Variants in GABRG3 observed in about 807,000 individuals in gnomAD.
GABRG3 encodes the protein gamma-aminobutyric acid receptor subunit gamma-3.
GABRG3 carries 25 observed loss-of-function variants against 48.8 expected under a neutral mutation model. The observed-to-expected ratio is 0.51, with a 90% confidence interval of 0.37 to 0.72. The LOEUF (loss-of-function observed/expected upper bound fraction) is 0.72. Ranked by LOEUF, GABRG3 falls within the 30% of genes least tolerant of loss-of-function variation. The pLI, the probability that GABRG3 is intolerant of heterozygous loss-of-function variation, is 0.00. For missense variants in GABRG3, 394 were observed against 577.9 expected (o/e 0.68, Z 3.26); for synonymous variants, 227 against 217.6 (o/e 1.04, Z -0.38).
At chr15:27,334,385 A>C (rs979866380) in intron 5 of GABRG3, among the ~76,000 whole-genome samples, 2 of 152,324 alleles carry the variant, frequency 1.3e-5, no homozygotes. Context: ...AGTTTGAGAT[A>C]TAGAAAATTA....
At chr15:27,159,047 C>A (rs894414362) in intron 3 of GABRG3, among the ~76,000 whole-genome samples, 1 of 152,280 alleles carries the variant, frequency 6.6e-6, no homozygotes. Flanking sequence ...GCTTATGGCA[C>A]CTACAAAGGA....
At chr15:27,263,251 C>G (rs1012389809) in intron 3 of GABRG3, among the ~76,000 whole-genome samples, 1 of 152,172 alleles carries the variant, frequency 6.6e-6, no homozygotes, top group Non-Finnish European at 1.5e-5. Context: ...GCGTTACAGC[C>G]AGAATCTTGT....
At chr15:27,303,693 G>A (rs1566765365) in intron 3 of GABRG3, among the ~76,000 whole-genome samples, 1 of 149,916 alleles carries the variant, frequency 6.7e-6, no homozygotes, top group East Asian at 1.9e-4. Flanking sequence ...TCATGGATGT[G>A]TATATATATA....
At position 27,538,470 on chromosome 15, in the gene GABRG3, G is replaced by C. The variant is rs566610798; in HGVS notation, c.*5589G>C. 5.3e-5 allele frequency: 8 copies of C among 152,332 alleles called. No individual in the cohort carries two copies. Among genetic ancestry groups the C allele is most frequent in the African/African-American group, 1.9e-4 (8 of 41,560 alleles). 9.4% of individuals were successfully genotyped at this position (152,332 alleles called of 1,614,324 possible). A position where few individuals can be genotyped will look rare whatever the true frequency, so the allele number is the denominator to read the frequency against. On this transcript the variant is annotated 3_prime_UTR_variant, in exon 10 of 10. Coordinates refer to ENST00000615808, the MANE Select transcript of GABRG3 (RefSeq NM_033223.5). ...TAGCATTCAGGTTATTGAGGTGAAC[G>C]TAAATTGCTTTGCTTGAACAATTGA...
intron 3 of GABRG3, among the ~76,000 whole-genome samples, chr15:27,123,921 T>C (rs1221651286): frequency 6.6e-6 from 1 of 152,174 alleles, no homozygotes; most frequent in African/African-American, 2.4e-5. Context: ...GGGCCTGTTC[T>C]GGGAAGGGCC....
At chr15:27,290,890 G>A (rs1326614864) in intron 3 of GABRG3, among the ~76,000 whole-genome samples, 2 of 152,218 alleles carry the variant, frequency 1.3e-5, no homozygotes, top group East Asian at 3.9e-4. Flanking sequence ...AATGTAATAT[G>A]TCAATAATAC....
rs563907149 is a variant in GABRG3, at chr15:27,319,654, G to A, written c.271-7155G>A. 1.3e-5 allele frequency among the ~76,000 whole-genome samples: 2 copies of A among 152,102 alleles called. No homozygotes were observed. The highest frequency in any genetic ancestry group is 2.1e-4 in the South Asian group (1 of 4,826). Reference sequence around the variant, plus strand: ...AGGCTGGATAAGAGGGTGTCCAGGCGTGGGCAGAGCACAAATGGGATGGGG... The same window carrying A: ...AGGCTGGATAAGAGGGTGTCCAGGCATGGGCAGAGCACAAATGGGATGGGG... On this transcript the variant is annotated intron_variant, in intron 3 of 9. Coordinates refer to ENST00000615808, the MANE Select transcript of GABRG3 (RefSeq NM_033223.5). The surrounding 1 kb of genome is among the most constrained non-coding windows in gnomAD (Gnocchi z 4.4).
intron 5 of GABRG3, among the ~76,000 whole-genome samples, chr15:27,351,767 A>G (rs1894614295): frequency 7.3e-6 from 1 of 137,710 alleles, no homozygotes; most frequent in East Asian, 2.3e-4. Flanking sequence ...TGGTGTTTGT[A>G]TAGTGTGTGT....
chr15:26,979,520 A>G (rs1427875295), intron 2 of GABRG3, among the ~76,000 whole-genome samples: 1 of 152,148 alleles, frequency 6.6e-6, no homozygotes. Context: ...AGTTCTCTCT[A>G]TTCCTAGTAT....
chr15:27,171,123 C>T (rs1042466398), intron 3 of GABRG3, among the ~76,000 whole-genome samples: 11 of 152,150 alleles, frequency 7.2e-5, no homozygotes, highest in Admixed American at 5.2e-4. Flanking sequence ...CTCAGGTTCA[C>T]TGCTCAGCAG....
intron 5 of GABRG3, among the ~76,000 whole-genome samples, chr15:27,356,449 G>A (rs28427438): frequency 0.037 from 5,562 of 152,196 alleles, 248 homozygotes; most frequent in African/African-American, 0.094. Context: ...ATATCAGAAA[G>A]GAGCTAACAT....
intron 5 of GABRG3, among the ~76,000 whole-genome samples, chr15:27,337,643 A>G (rs752384401): frequency 6.6e-6 from 1 of 152,204 alleles, no homozygotes; most frequent in Non-Finnish European, 1.5e-5. Flanking sequence ...TTTGTTTAGT[A>G]TCAGTCATGT....
chr15:27,399,626 T>C (rs1311921414), intron 5 of GABRG3, among the ~76,000 whole-genome samples: 1 of 152,242 alleles, frequency 6.6e-6, no homozygotes, highest in African/African-American at 2.4e-5. Flanking sequence ...CTGACTACTG[T>C]GCTTGACCTT....
In GABRG3 at chr15:27,009,843, T is replaced by TTCTTCC. The variant is rs777721832; in HGVS notation, c.203-16897_203-16892dup. On this transcript the variant is annotated intron_variant, in intron 2 of 9. Coordinates refer to ENST00000615808, the MANE Select transcript of GABRG3 (RefSeq NM_033223.5). ...AGTCCTAGATTCCTCAGGCAACTTC[T>TTCTTCC]TCTTCCTCTTCCTCTTCCTTTCCTC... is the stretch of plus-strand genomic sequence containing the variant. Among the ~76,000 whole-genome samples, 265 of 152,266 alleles carry TTCTTCC rather than the reference T, an allele frequency of 1.7e-3. No individual in the cohort carries two copies. The Middle Eastern group carries it at 0.024, about 14-fold the overall frequency.
chr15:27,183,902 C>A (rs1888011479), intron 3 of GABRG3, among the ~76,000 whole-genome samples: 1 of 152,236 alleles, frequency 6.6e-6, no homozygotes, highest in South Asian at 2.1e-4. Context: ...CATCACCTCA[C>A]ATTTATTCAT....
At chr15:27,064,546 G>A (rs2140726950) in intron 3 of GABRG3, among the ~76,000 whole-genome samples, 1 of 152,266 alleles carries the variant, frequency 6.6e-6, no homozygotes, top group South Asian at 2.1e-4. Flanking sequence ...GAGGTGGGCA[G>A]CTGCCTCTTT....
intron 3 of GABRG3, among the ~76,000 whole-genome samples, chr15:27,309,187 C>T (rs1566775805): frequency 6.7e-6 from 1 of 149,380 alleles, no homozygotes; most frequent in Non-Finnish European, 1.5e-5. Context: ...TATAGAAACA[C>T]ATATAATGTA....
At chr15:27,320,149 G>A (rs988936168) in intron 3 of GABRG3, among the ~76,000 whole-genome samples, 1 of 152,188 alleles carries the variant, frequency 6.6e-6, no homozygotes, top group African/African-American at 2.4e-5. Context: ...AGGCCTTGGG[G>A]AAGGTCGTAG....
At chr15:27,435,876 G>T (rs965321602) in intron 5 of GABRG3, among the ~76,000 whole-genome samples, 4 of 152,188 alleles carry the variant, frequency 2.6e-5, no homozygotes, top group Non-Finnish European at 4.4e-5. Context: ...GGGAAAGCAG[G>T]ATCCAACTTG....
Sources: allele counts gnomAD v4.1 joint callset (sites outside exome capture counted in the v4.1 genomes callset), GRCh38; gene constraint gnomAD v4.1.1; non-coding constraint Gnocchi (gnomAD v3.1); transcripts MANE v1.5; gene names NCBI Gene and HGNC (gene_info 2026-07-23, HGNC 2026-07-21).